The following ADGRL3 variants were observed in gnomAD, a reference collection of about 807,000 sequenced individuals.
ADGRL3 encodes adhesion G protein-coupled receptor L3, also known as calcium-independent alpha-latrotoxin receptor 3.
Under a neutral mutation model 153.5 loss-of-function variants are expected in ADGRL3, and 62 were observed. The observed-to-expected ratio is 0.40, with a 90% CI of 0.33 to 0.50. The LOEUF (loss-of-function observed/expected upper bound fraction) is 0.50, where lower values mean the gene tolerates loss of function less well. Among genes scored for constraint, ADGRL3 ranks in the 20% least tolerant of loss-of-function variants. ADGRL3 has a pLI of 0.47. For synonymous variants in ADGRL3, 710 were observed against 672.5 expected, an observed-to-expected ratio of 1.06 and a Z score of -0.86; for missense variants, 1,641 against 1,859.4, an observed-to-expected ratio of 0.88 and a Z score of 2.16.
intron 5 of ADGRL3, among the ~76,000 whole-genome samples, chr4:61,636,020 G>A (rs1242656742): frequency 6.6e-6 from 1 of 152,054 alleles, no homozygotes. Context: ...ACAGAGACAT[G>A]TTCTGAGGAA....
At chr4:61,717,205 TGTGTGTGTGTGTGTGC>T (rs778412767) in intron 6 of ADGRL3, among the ~76,000 whole-genome samples, 1,288 of 105,760 alleles carry the variant, frequency 0.012, 27 homozygotes, top group African/African-American at 0.051. Context: ...TATGTGTGTG[TGTGTGTGTGTGTGTGC>T]GTGTGTGTGT....
chr4:61,869,962 G>GA (rs2098431290), intron 9 of ADGRL3, among the ~76,000 whole-genome samples: 1 of 46,142 alleles, frequency 2.2e-5, no homozygotes, highest in African/African-American at 7.7e-5. Context: ...AAAAAAAAAA[G>GA]AGAGAGAGAG....
Position 61,947,120 on chromosome 4 carries a change from A to C in ADGRL3, c.2626A>C (p.Lys876Gln). Residue 876 changes from lysine (K) to glutamine (Q), a missense_variant and splice_region_variant, in exon 16 of 27, where the codon AAG becomes CAG. Physicochemically the swap from Lys to Gln is moderately conservative, Grantham distance 53. Around this residue, in one of 5 missense-constraint regions of ADGRL3, gnomAD observed 734 missense variants for 797.0 expected, o/e 0.92. Coordinates refer to ENST00000683033, the MANE Select transcript of ADGRL3 (RefSeq NM_001387552.1). ...TGTGGTATTTACTGTTAAACATATC[A>C]AGGTAAGAAAATGGCATATTAGCTT... is the stretch of plus-strand genomic sequence containing the variant. ...DPVVFTVKHI[K>Q]QSEENFNPNC... The C allele has an allele frequency of 6.2e-7, 1 of 1,611,274 alleles. No homozygotes were observed. Among genetic ancestry groups the C allele is most frequent in the South Asian group, 1.1e-5 (1 of 91,016 alleles).
intron 1 of ADGRL3, among the ~76,000 whole-genome samples, chr4:61,290,229 C>A (rs1052247701): frequency 1.3e-5 from 2 of 151,920 alleles, no homozygotes; most frequent in Admixed American, 6.6e-5. Flanking sequence ...TCAGCCACAG[C>A]TTTTATAATC....
At chr4:62,046,144 T>C (rs929753464) in intron 25 of ADGRL3, among the ~76,000 whole-genome samples, 2 of 152,016 alleles carry the variant, frequency 1.3e-5, no homozygotes, top group East Asian at 1.9e-4. Context: ...GAACTGTCCT[T>C]ACCTATAGGA....
intron 11 of ADGRL3, among the ~76,000 whole-genome samples, chr4:61,908,720 T>G (rs1027090934): frequency 3.6e-4 from 55 of 152,250 alleles, no homozygotes; most frequent in African/African-American, 1.3e-3. Flanking sequence ...TGTGTTATAA[T>G]CCTGTTTTAG....
chr4:62,057,190 T>C (rs1355197895), intron 25 of ADGRL3, among the ~76,000 whole-genome samples: 2 of 152,130 alleles, frequency 1.3e-5, no homozygotes, highest in Non-Finnish European at 2.9e-5. Context: ...AGATCTGTTT[T>C]TTACTTTACA....
At chr4:61,701,762 T>C (rs1351619665) in intron 6 of ADGRL3, among the ~76,000 whole-genome samples, 1 of 151,990 alleles carries the variant, frequency 6.6e-6, no homozygotes, top group Non-Finnish European at 1.5e-5. Context: ...AGGTGATAAC[T>C]TCATGATAGC....
intron 1 of ADGRL3, among the ~76,000 whole-genome samples, chr4:61,362,988 G>GCATA (rs1351877012): frequency 2.0e-5 from 3 of 152,092 alleles, no homozygotes; most frequent in Non-Finnish European, 2.9e-5. Context: ...TTGATTCAAA[G>GCATA]CATACCATAT....
chr4:61,607,993 A>G (rs1226166690), intron 5 of ADGRL3, among the ~76,000 whole-genome samples: 3 of 152,190 alleles, frequency 2.0e-5, no homozygotes, highest in Non-Finnish European at 4.4e-5. Context: ...TCTCACTGTC[A>G]CCATCTTCGC....
At chr4:61,522,160 A>G (rs980745664) in intron 4 of ADGRL3, among the ~76,000 whole-genome samples, 2 of 152,070 alleles carry the variant, frequency 1.3e-5, no homozygotes, top group Non-Finnish European at 2.9e-5. Flanking sequence ...GATATATTTG[A>G]CATTCATTCA....
chr4:61,375,725 C>T (rs1319713927), intron 1 of ADGRL3, among the ~76,000 whole-genome samples: 1 of 152,062 alleles, frequency 6.6e-6, no homozygotes, highest in African/African-American at 2.4e-5. Flanking sequence ...TGCAATCTTT[C>T]CAAAATACAG....
At chr4:62,042,336 T>C (rs1012418844) in intron 24 of ADGRL3, among the ~76,000 whole-genome samples, 2 of 151,798 alleles carry the variant, frequency 1.3e-5, no homozygotes, top group African/African-American at 4.8e-5. Context: ...GGGAATGTAG[T>C]AGGGGAAAAG....
intron 5 of ADGRL3, among the ~76,000 whole-genome samples, chr4:61,607,496 A>C (rs188646987): frequency 1.3e-5 from 2 of 152,238 alleles, no homozygotes; most frequent in African/African-American, 2.4e-5. Flanking sequence ...GCTACTCAGG[A>C]CGCTGAAGCA....
intron 1 of ADGRL3, among the ~76,000 whole-genome samples, chr4:61,214,359 G>A (rs1322593573): frequency 2.0e-5 from 3 of 152,068 alleles, no homozygotes; most frequent in Non-Finnish European, 2.9e-5. Context: ...AACGGACCTC[G>A]TATCTCTTAA....
rs573091266 is a variant in ADGRL3, at chr4:61,347,030, A to G, written c.-239-36094A>G. Among the ~76,000 whole-genome samples the G allele has an allele frequency of 3.3e-5, 5 of 152,218 alleles. No homozygotes were observed. In the East Asian group the frequency reaches 9.7e-4, roughly 29 times the overall value. The stretch of plus-strand genomic sequence containing the variant: ...TTGCTTAGATGTTAGCAAATGCCCT[A>G]GTCTGTGCTCTCACTATTAGAGCTT... On this transcript the variant is annotated intron_variant, in intron 1 of 26. Coordinates refer to ENST00000683033, the MANE Select transcript of ADGRL3 (RefSeq NM_001387552.1).
intron 4 of ADGRL3, among the ~76,000 whole-genome samples, chr4:61,546,947 A>G (rs2098716461): frequency 6.6e-6 from 1 of 152,198 alleles, no homozygotes; most frequent in Non-Finnish European, 1.5e-5. Context: ...ATCAAAAAAT[A>G]TTTATTTCAG....
chr4:62,010,679 G>A (rs1184316071), intron 21 of ADGRL3, among the ~76,000 whole-genome samples: 1 of 126,034 alleles, frequency 7.9e-6, no homozygotes, highest in African/African-American at 2.8e-5. Context: ...TCTACGTAAT[G>A]AAAATTTAAT....
chr4:62,022,334 A>G (rs2099241942), intron 21 of ADGRL3, among the ~76,000 whole-genome samples: 1 of 152,170 alleles, frequency 6.6e-6, no homozygotes, highest in Non-Finnish European at 1.5e-5. Context: ...AGGCTGGTTC[A>G]TGAGATTTAA....
Sources: gnomAD v4.1 joint callset for allele counts (sites outside exome capture counted in the v4.1 genomes callset) on GRCh38, gnomAD v4.1.1 for gene constraint, gnomAD v4.1.1 regional missense constraint, MANE v1.5 for transcripts, NCBI Gene and HGNC (gene_info 2026-07-23, HGNC 2026-07-21) for gene names.